ST8SIA1: variants seen among roughly 807,000 people sequenced by gnomAD.
The protein encoded by ST8SIA1 is ST8 alpha-N-acetyl-neuraminide alpha-2,8-sialyltransferase 1, also known as alpha-N-acetylneuraminide alpha-2,8-sialyltransferase.
In ST8SIA1, 16 loss-of-function variants were observed where a neutral mutation model predicts 35.9. That is an observed-to-expected ratio of 0.45 (90% CI 0.30 to 0.68). The LOEUF is 0.68. ST8SIA1 is among the 30% of genes least tolerant of loss of function. ST8SIA1 has a pLI of 0.09. For synonymous variants in ST8SIA1, 170 were observed against 169.6 expected (o/e 1.00, Z -0.02); for missense variants, 383 against 453.6 (o/e 0.84, Z 1.41).
chr12:22,235,892 C>CCACA (rs3831855), intron 4 of ST8SIA1, among the ~76,000 whole-genome samples: 38,318 of 149,338 alleles, frequency 0.26, 5,036 homozygotes, highest in South Asian at 0.37. Context: ...ATTCCCTTCA[C>CCACA]CACACACACA....
intron 1 of ST8SIA1, among the ~76,000 whole-genome samples, chr12:22,314,348 G>A (rs1243961503): frequency 6.6e-6 from 1 of 152,086 alleles, no homozygotes; most frequent in Non-Finnish European, 1.5e-5. Flanking sequence ...CTAACACAGT[G>A]TTTAACCTCC....
chr12:22,221,061 C>T (rs1362022782), intron 4 of ST8SIA1, among the ~76,000 whole-genome samples: 1 of 152,178 alleles, frequency 6.6e-6, no homozygotes, highest in Non-Finnish European at 1.5e-5. Context: ...AAGTCCATCC[C>T]TGGGCATTCC....
intron 1 of ST8SIA1, among the ~76,000 whole-genome samples, chr12:22,318,609 A>G (rs536216963): frequency 3.3e-4 from 50 of 152,216 alleles, no homozygotes; most frequent in African/African-American, 1.1e-3. Context: ...TGAATCAGAG[A>G]TGTCAGGCAG....
At chr12:22,247,092 C>CTTCCCTCCCTCCCTCGTCTCT (rs1865613631) in intron 4 of ST8SIA1, among the ~76,000 whole-genome samples, 1 of 145,566 alleles carries the variant, frequency 6.9e-6, no homozygotes, top group African/African-American at 2.6e-5. Flanking sequence ...CCCTCATCTC[C>CTTCCCTCCCTCCCTCGTCTCT]TTCCCTCCCT....
chr12:22,284,270 C>G (rs1487682733), intron 2 of ST8SIA1, among the ~76,000 whole-genome samples: 1 of 152,132 alleles, frequency 6.6e-6, no homozygotes, highest in African/African-American at 2.4e-5. Context: ...GACATGGAAT[C>G]GAAGTTAGAA....
At chr12:22,311,169 C>T (rs920080113) in intron 1 of ST8SIA1, among the ~76,000 whole-genome samples, 10 of 152,222 alleles carry the variant, frequency 6.6e-5, no homozygotes, top group Non-Finnish European at 1.5e-4. Flanking sequence ...TCAAAGACTA[C>T]GTGCTAAACT....
At chr12:22,312,336 T>C (rs1223954011) in intron 1 of ST8SIA1, among the ~76,000 whole-genome samples, 1 of 152,202 alleles carries the variant, frequency 6.6e-6, no homozygotes, top group Non-Finnish European at 1.5e-5. Context: ...TTATTTGTGA[T>C]GGAGGACCAC....
chr12:22,334,002 C>T lies in ST8SIA1; in HGVS notation c.231G>A (p.Ala77=). ...AWRRNQTAAR[A]FRKQMEDCCD... is the part of the protein sequence containing the mutation. ...AGCCGCGAGGGCAGGAGTACCTGAA[C>T]GCTCTGGCCGCGGTCTGGTTCCTCC... Residue 77 remains alanine, a synonymous_variant, in exon 1 of 5, where the codon GCG becomes GCA. Coordinates refer to ENST00000396037, the MANE Select transcript of ST8SIA1 (RefSeq NM_003034.4). 4 of 1,613,780 alleles carry T rather than the reference C, an allele frequency of 2.5e-6. No homozygotes were observed. Among genetic ancestry groups the T allele is most frequent in the Non-Finnish European group, 3.4e-6 (4 of 1,179,908 alleles).
chr12:22,318,336 T>C (rs1866544719), intron 1 of ST8SIA1, among the ~76,000 whole-genome samples: 3 of 152,342 alleles, frequency 2.0e-5, no homozygotes, highest in South Asian at 4.1e-4. Context: ...ACACGATTCA[T>C]TGCTCCACTC....
intron 2 of ST8SIA1, among the ~76,000 whole-genome samples, chr12:22,279,916 G>A (rs1684563251): frequency 6.6e-6 from 1 of 152,176 alleles, no homozygotes; most frequent in African/African-American, 2.4e-5. Context: ...AAAATGTTGT[G>A]CTAGCTCACC....
chr12:22,247,216 C>T (rs1865616780), intron 4 of ST8SIA1, among the ~76,000 whole-genome samples: 2 of 151,796 alleles, frequency 1.3e-5, no homozygotes, highest in South Asian at 2.1e-4. Flanking sequence ...CTTACATCAA[C>T]TCCACATATT....
At chr12:22,293,062 C>T (rs917478730) in intron 1 of ST8SIA1, among the ~76,000 whole-genome samples, 4 of 152,110 alleles carry the variant, frequency 2.6e-5, no homozygotes, top group African/African-American at 7.2e-5. Context: ...TTGTCTGTTT[C>T]GAGACTAAGA....
intron 2 of ST8SIA1, among the ~76,000 whole-genome samples, chr12:22,264,335 C>T (rs1169888379): frequency 6.6e-6 from 1 of 152,162 alleles, no homozygotes; most frequent in Non-Finnish European, 1.5e-5. Flanking sequence ...CTCACATGAA[C>T]ATCTCTTTAT....
Position 22,201,434 on chromosome 12 carries a change from T to C in ST8SIA1, c.*118A>G. 1 of 1,378,966 alleles carries C rather than the reference T, an allele frequency of 7.3e-7. No homozygotes were observed. The highest frequency in any genetic ancestry group is 9.8e-7 in the Non-Finnish European group (1 of 1,023,558). 85.4% of individuals were successfully genotyped at this position (1,378,966 alleles called of 1,614,324 possible). A position where few individuals can be genotyped will look rare whatever the true frequency, so the allele number is the denominator to read the frequency against. ...TTTTGCTTGGATCTTCATTGCTCCTTTCCTGTTTTTCCAAGGGCCCATGCA... is the reference window on the plus strand; with the variant it reads ...TTTTGCTTGGATCTTCATTGCTCCTCTCCTGTTTTTCCAAGGGCCCATGCA... On this transcript the variant is annotated 3_prime_UTR_variant, in exon 5 of 5. Coordinates refer to ENST00000396037, the MANE Select transcript of ST8SIA1 (RefSeq NM_003034.4).
At chr12:22,237,738 G>A (rs994152307) in intron 4 of ST8SIA1, among the ~76,000 whole-genome samples, 6 of 151,528 alleles carry the variant, frequency 4.0e-5, no homozygotes, top group Non-Finnish European at 8.8e-5. Flanking sequence ...ATATATTTGT[G>A]TACAGTAGAG....
chr12:22,251,795 G>T (rs1406173889), intron 3 of ST8SIA1, among the ~76,000 whole-genome samples: 1 of 152,236 alleles, frequency 6.6e-6, no homozygotes, highest in Non-Finnish European at 1.5e-5. Flanking sequence ...TTAATGAGAA[G>T]TGAATATTCT....
rs138013905 is a variant in ST8SIA1 at position 22,305,642 on chromosome 12, A to G, written c.237-18349T>C. Among the ~76,000 whole-genome samples, 1,147 of 152,136 alleles carry G rather than the reference A, an allele frequency of 7.5e-3. 37 individuals carry two copies. Among genetic ancestry groups the G allele is most frequent in the Admixed American group, 0.061 (937 of 15,292 alleles). ...GTGACCCACCTGCCTCGGCCTCCCA[A>G]AGTGCTGGGATTACAGGCATGAGCC... On this transcript the variant is annotated intron_variant, in intron 1 of 4. Transcript: ENST00000396037.
At chr12:22,303,423 C>G (rs1328157570) in intron 1 of ST8SIA1, among the ~76,000 whole-genome samples, 1 of 151,916 alleles carries the variant, frequency 6.6e-6, no homozygotes, top group Non-Finnish European at 1.5e-5. Flanking sequence ...TGTCTGAACT[C>G]TCTTCCAACA....
intron 4 of ST8SIA1, chr12:22,223,566 AT>A: frequency 9.5e-7 from 1 of 1,047,598 alleles, no homozygotes; most frequent in Non-Finnish European, 1.2e-6. Flanking sequence ...ACAGGGGCCC[AT>A]TTTTCAAGCC....
Sources: gnomAD v4.1 joint callset for allele counts (sites outside exome capture counted in the v4.1 genomes callset) on GRCh38, gnomAD v4.1.1 for gene constraint, MANE v1.5 for transcripts, NCBI Gene and HGNC (gene_info 2026-07-23, HGNC 2026-07-21) for gene names.